MASP1: variants seen among roughly 807,000 people sequenced by gnomAD.
MASP1 encodes mannan-binding lectin serine protease 1.
Under a neutral mutation model 77.1 loss-of-function variants are expected in MASP1, and 59 were observed. The observed-to-expected ratio is 0.77, with a 90% CI of 0.62 to 0.95. MASP1 has a LOEUF of 0.95. Ranked by LOEUF, MASP1 falls within the 40% of genes least tolerant of loss-of-function variation. MASP1 has a pLI of 0.00. For missense variants in MASP1, 885 were observed against 912.9 expected (o/e 0.97, Z 0.39); for synonymous variants, 362 against 354.5 (o/e 1.02, Z -0.24).
At chr3:187,251,603 T>A (rs1022885756) in intron 7 of MASP1, 31 bp downstream of exon 7, 2 of 1,573,012 alleles carry the variant, frequency 1.3e-6, no homozygotes, top group Admixed American at 1.7e-5. Context: ...TGTGGCCTGG[T>A]CACTCCCCTT....
chr3:187,291,663 G>A lies in MASP1; in HGVS notation c.-31C>T. The A allele has an allele frequency of 6.2e-7, 1 of 1,614,164 alleles. No homozygotes were observed. Among genetic ancestry groups the A allele is most frequent in the South Asian group, 1.1e-5 (1 of 91,084 alleles). On this transcript the variant is annotated 5_prime_UTR_variant, in exon 1 of 11. Transcript: ENST00000296280. ...TGCCTTGGGTGCTCCCGGCTGCCCG[G>A]CCTTGGTCCTCCCAGCTTGACTTGC...
At chr3:187,274,605 G>C (rs1247385033) in intron 2 of MASP1, among the ~76,000 whole-genome samples, 1 of 152,240 alleles carries the variant, frequency 6.6e-6, no homozygotes, top group Non-Finnish European at 1.5e-5. Flanking sequence ...TAGGTGCACT[G>C]CTCTTTCCAG....
At chr3:187,217,550 C>T (rs1329825618) in exon 16 of MASP1, 1 of 152,148 alleles carries the variant, frequency 6.6e-6, no homozygotes, top group Non-Finnish European at 1.5e-5. Flanking sequence ...CAAAAAGCAG[C>T]AATTTTAAAG....
At chr3:187,284,815 T>C (rs1478050949) in intron 2 of MASP1, among the ~76,000 whole-genome samples, 1 of 152,224 alleles carries the variant, frequency 6.6e-6, no homozygotes, top group African/African-American at 2.4e-5. Context: ...ATGGCTCCTG[T>C]CTCAAAATTG....
intron 8 of MASP1, chr3:187,245,019 A>G (rs1033211590): frequency 6.6e-6 from 1 of 152,192 alleles, no homozygotes; most frequent in Non-Finnish European, 1.5e-5. Flanking sequence ...GGGAGTAAAT[A>G]TAGGTACTTC....
chr3:187,235,337 G>A lies in MASP1; in HGVS notation c.*347C>T. ...AGTAGGACCGATGGGTTTGATAAGTGGTCAGGAGTGAATAAAGGCCACTGG... is the reference window on the plus strand; with the variant it reads ...AGTAGGACCGATGGGTTTGATAAGTAGTCAGGAGTGAATAAAGGCCACTGG... On this transcript the variant is annotated 3_prime_UTR_variant, in exon 11 of 11. Coordinates refer to ENST00000296280, the MANE Select transcript of MASP1 (RefSeq NM_139125.4). The A allele has an allele frequency of 7.3e-7, 1 of 1,372,654 alleles. No individual in the cohort carries two copies. The highest frequency in any genetic ancestry group is 1.2e-5 in the South Asian group (1 of 81,680). 85.0% of individuals were successfully genotyped at this position (1,372,654 alleles called of 1,614,324 possible).
Position 187,256,790 on chromosome 3 carries a change from G to C in MASP1, c.618C>G (p.Tyr206Ter). 6.2e-7 allele frequency: 1 copy of C among 1,613,996 alleles called. No individual in the cohort carries two copies. Among genetic ancestry groups the C allele is most frequent in the Non-Finnish European group, 8.5e-7 (1 of 1,180,014 alleles). ...VITSPDFPNP[Y>*]PKSSECLYTI... ...TATACAGGCATTCAGAGCTCTTGGGGTAAGGGTTTGGGAAGTCAGGGCTGG... is the reference window on the plus strand; with the variant it reads ...TATACAGGCATTCAGAGCTCTTGGGCTAAGGGTTTGGGAAGTCAGGGCTGG... The change falls in exon 5 of 11, where the codon TAC becomes TAG. Residue 206 changes from tyrosine to a stop codon, truncating the protein, a stop_gained. Transcript: ENST00000296280. LOFTEE classifies it high-confidence loss of function.
At chr3:187,275,152 G>C (rs1372723845) in intron 2 of MASP1, among the ~76,000 whole-genome samples, 1 of 152,168 alleles carries the variant, frequency 6.6e-6, no homozygotes, top group Non-Finnish European at 1.5e-5. Context: ...AGTTCAGGAC[G>C]GGAAAATAGC....
intron 10 of MASP1, 27 bp from the exon 11 acceptor site, chr3:187,236,594 C>G: frequency 6.2e-7 from 1 of 1,613,402 alleles, no homozygotes. Context: ...GGAGCAGGGA[C>G]AAGAGACAGA....
intron 2 of MASP1, among the ~76,000 whole-genome samples, chr3:187,266,133 A>C (rs760729025): frequency 1.3e-5 from 2 of 152,196 alleles, no homozygotes; most frequent in Non-Finnish European, 2.9e-5. Flanking sequence ...TGCGAATAAT[A>C]AACTCTTCAT....
At chr3:187,238,423 A>G (rs1713350406) in intron 10 of MASP1, among the ~76,000 whole-genome samples, 1 of 152,220 alleles carries the variant, frequency 6.6e-6, no homozygotes. Flanking sequence ...TCCTTTTAAG[A>G]GGCTGAATGA....
At chr3:187,283,286 A>G (rs764690405) in intron 2 of MASP1, among the ~76,000 whole-genome samples, 1 of 152,248 alleles carries the variant, frequency 6.6e-6, no homozygotes, top group Non-Finnish European at 1.5e-5. Flanking sequence ...GTGTTAGAAG[A>G]GGTCTTCAGA....
At chr3:187,255,074 A>G (rs1714958190) in intron 5 of MASP1, among the ~76,000 whole-genome samples, 1 of 152,110 alleles carries the variant, frequency 6.6e-6, no homozygotes, top group Admixed American at 6.5e-5. Context: ...AAATGGCAAA[A>G]GGGATTTTGC....
chr3:187,222,204 T>C (rs1425281944), intron 14 of MASP1, among the ~76,000 whole-genome samples: 3 of 152,200 alleles, frequency 2.0e-5, no homozygotes, highest in East Asian at 1.9e-4. Flanking sequence ...TGAGACAAGA[T>C]CAGATTCTCT....
chr3:187,225,510 C>G lies in MASP1; in HGVS notation c.1556-1G>C, dbSNP rs578108680. 1 of 1,614,146 alleles carries G rather than the reference C, an allele frequency of 6.2e-7. No individual in the cohort carries two copies. Among genetic ancestry groups the G allele is most frequent in the South Asian group, 1.1e-5 (1 of 91,082 alleles). ...TCTGACCGGAGCCTCCAATGCTTGC[C>G]TGGGCAAGAAGAAGACATGTGAGGC... On this transcript the variant is annotated splice_acceptor_variant, in intron 12 of 15. Transcript: ENST00000337774. LOFTEE classifies it high-confidence loss of function.
At chr3:187,226,493 T>G (rs771978443) in exon 12 of MASP1, 1 of 1,612,198 alleles carries the variant, frequency 6.2e-7, no homozygotes, top group East Asian at 2.2e-5. Context: ...GTGGAGGCAG[T>G]GTGCGGCGGT....
chr3:187,262,204 G>A (rs1715639549), intron 3 of MASP1, among the ~76,000 whole-genome samples: 1 of 152,118 alleles, frequency 6.6e-6, no homozygotes, highest in African/African-American at 2.4e-5. Context: ...GTATACATGA[G>A]ATATGTATAT....
At chr3:187,248,222 T>C (rs1056095627) in intron 8 of MASP1, among the ~76,000 whole-genome samples, 4 of 152,200 alleles carry the variant, frequency 2.6e-5, no homozygotes, top group African/African-American at 9.7e-5. Flanking sequence ...TTCTGTTGTA[T>C]GCTAATGTAA....
intron 5 of MASP1, among the ~76,000 whole-genome samples, chr3:187,254,249 T>C (rs925521402): frequency 1.3e-5 from 2 of 152,226 alleles, no homozygotes; most frequent in Non-Finnish European, 2.9e-5. Context: ...GTAAAATCTA[T>C]GTAACCTATA....
Sources: gnomAD v4.1 joint callset for allele counts (sites outside exome capture counted in the v4.1 genomes callset) on GRCh38, gnomAD v4.1.1 for gene constraint, MANE v1.5 for transcripts, NCBI Gene and HGNC (gene_info 2026-07-23, HGNC 2026-07-21) for gene names.